Variants in NIPSNAP3B observed in about 807,000 individuals in gnomAD.
NIPSNAP3B encodes nipsnap homolog 3B.
Under a neutral mutation model 31.5 loss-of-function variants are expected in NIPSNAP3B, and 30 were observed. That is an observed-to-expected ratio of 0.95 (90% confidence interval 0.71 to 1.29). The LOEUF (loss-of-function observed/expected upper bound fraction) is 1.29. NIPSNAP3B is among the 50% of genes most tolerant of loss of function. NIPSNAP3B has a pLI of 0.00. For synonymous variants in NIPSNAP3B, 106 were observed against 107.9 expected, an observed-to-expected ratio of 0.98 and a Z score of 0.11; for missense variants, 269 against 300.7, an observed-to-expected ratio of 0.89 and a Z score of 0.78.
rs755384274 is a variant in NIPSNAP3B at position 104,771,030 on chromosome 9, C to A, written c.580+32C>A. 14 of 1,606,076 alleles carry A rather than the reference C, an allele frequency of 8.7e-6. No individual in the cohort carries two copies. The Admixed American group carries it at 2.2e-4, about 25-fold the overall frequency. On this transcript the variant is annotated intron_variant, in intron 4 of 5. Coordinates refer to ENST00000374762, the MANE Select transcript of NIPSNAP3B (RefSeq NM_018376.4). Reference sequence around the variant, plus strand: ...TTGTCCATTTGTTCTATGAAGTTGCCATGTGTATTAGATCAGTTCGTCTCT... The same window carrying A: ...TTGTCCATTTGTTCTATGAAGTTGCAATGTGTATTAGATCAGTTCGTCTCT...
Position 104,776,963 on chromosome 9 carries a change from G to A in NIPSNAP3B, c.*3890G>A, listed in dbSNP as rs1828350476. ...ACAGATTACATAACTGTTATTGGAAGTGCCTCACTACTCCATTTGGAAAGT... is the reference window on the plus strand; with the variant it reads ...ACAGATTACATAACTGTTATTGGAAATGCCTCACTACTCCATTTGGAAAGT... On this transcript the variant is annotated 3_prime_UTR_variant, in exon 6 of 6. Transcript: ENST00000374762. Among the ~76,000 whole-genome samples, 1 of 152,204 alleles carries A rather than the reference G, an allele frequency of 6.6e-6. No homozygotes were observed. Among genetic ancestry groups the A allele is most frequent in the Admixed American group, 6.5e-5 (1 of 15,282 alleles).
rs577391715 is a variant in NIPSNAP3B at position 104,776,509 on chromosome 9, G to A, written c.*3436G>A. 6.6e-5 allele frequency among the ~76,000 whole-genome samples: 10 copies of A among 152,220 alleles called. No individual in the cohort carries two copies. The highest frequency in any genetic ancestry group is 2.1e-4 in the South Asian group (1 of 4,826). ...ATAGAATTAGTGCATTTATAAGGGC[G>A]TGAAGAGCCCTCACTGTGAGGAAAC... On this transcript the variant is annotated 3_prime_UTR_variant, in exon 6 of 6. Transcript: ENST00000374762.
At chr9:104,767,681 T>C (rs1304276016) in intron 2 of NIPSNAP3B, among the ~76,000 whole-genome samples, 2 of 152,170 alleles carry the variant, frequency 1.3e-5, no homozygotes, top group Non-Finnish European at 1.5e-5. Context: ...TTCATTTATA[T>C]GCTTTAGATA....
downstream of NIPSNAP3B, among the ~76,000 whole-genome samples, chr9:104,777,781 C>CTGTT (rs1170228502): frequency 6.6e-6 from 1 of 151,512 alleles, no homozygotes; most frequent in Non-Finnish European, 1.5e-5. Flanking sequence ...GTCCTGTTTT[C>CTGTT]TGTTTCCCTT....
chr9:104,784,231 C>A, the NIPSNAP3B span: 1 of 1,568,318 alleles, frequency 6.4e-7, no homozygotes. Context: ...CAACTTCTGG[C>A]TCTTTTCTCC....
chr9:104,769,808 C>T (rs893563248), intron 3 of NIPSNAP3B, among the ~76,000 whole-genome samples: 1 of 152,302 alleles, frequency 6.6e-6, no homozygotes, highest in East Asian at 1.9e-4. Flanking sequence ...AATGAATTAA[C>T]TTACACTGCT....
At chr9:104,785,877 G>T in the NIPSNAP3B span, among the ~76,000 whole-genome samples, 822 of 152,312 alleles carry the variant, frequency 5.4e-3, 10 homozygotes, top group African/African-American at 0.018. Flanking sequence ...CATGAAGTCT[G>T]ACAGATGTTA....
Position 104,773,927 on chromosome 9 carries a change from T to C in NIPSNAP3B, c.*854T>C, listed in dbSNP as rs1427220932. 1 of 152,202 alleles carries C rather than the reference T, an allele frequency of 6.6e-6. No individual in the cohort carries two copies. The highest frequency in any genetic ancestry group is 2.4e-5 in the African/African-American group (1 of 41,444). 9.4% of individuals were successfully genotyped at this position (152,202 alleles called of 1,614,324 possible). ...CTATAAGACAGTAATATAGTGATAA[T>C]TTACCAACTTTATTGAAAATGTTGT... On this transcript the variant is annotated 3_prime_UTR_variant, in exon 6 of 6. Transcript: ENST00000374762.
chr9:104,779,682 T>G (rs1386298152), downstream of NIPSNAP3B, among the ~76,000 whole-genome samples: 1 of 151,500 alleles, frequency 6.6e-6, no homozygotes, highest in East Asian at 1.9e-4. Context: ...GTTTTTTGAA[T>G]CTGGAAAAGT....
In NIPSNAP3B at chr9:104,772,842, G is replaced by A. The variant is rs142696352; in HGVS notation, c.601G>A (p.Glu201Lys). Residue 201 changes from glutamate (E) to lysine (K), a missense_variant, in exon 5 of 6, where the codon GAG (glutamate) becomes AAG (lysine). Coordinates refer to ENST00000374762, the MANE Select transcript of NIPSNAP3B (RefSeq NM_018376.4). ...LNRVHVLWWNESADSRAAGRH... is the reference protein window; with the variant it reads ...LNRVHVLWWNKSADSRAAGRH... ...TGCAGTTCATGTTCTTTGGTGGAAT[G>A]AGAGTGCAGATAGTCGTGCAGCTGG... The A allele has an allele frequency of 1.9e-6, 3 of 1,613,200 alleles. No homozygotes were observed. The highest frequency in any genetic ancestry group is 2.5e-6 in the Non-Finnish European group (3 of 1,179,656).
intron 5 of NIPSNAP3B, 35 bp from the exon 6 acceptor site, chr9:104,772,962 A>G (rs377506623): frequency 3.1e-6 from 5 of 1,613,896 alleles, no homozygotes; most frequent in Non-Finnish European, 4.2e-6. Context: ...GATTCAACCA[A>G]TAACTGTATG....
chr9:104,776,748 A>G lies in NIPSNAP3B; in HGVS notation c.*3675A>G, dbSNP rs777075331. ...ATGTTTTACTTATATATGATTTGTT[A>G]ATGTATGTCTCTTCCCACTAGAAAC... On this transcript the variant is annotated 3_prime_UTR_variant, in exon 6 of 6. Transcript: ENST00000374762. Among the ~76,000 whole-genome samples, 1 of 152,170 alleles carries G rather than the reference A, an allele frequency of 6.6e-6. No homozygotes were observed. The highest frequency in any genetic ancestry group is 1.9e-4 in the East Asian group (1 of 5,190).
chr9:104,789,571 T>C, the NIPSNAP3B span, among the ~76,000 whole-genome samples: 9 of 152,216 alleles, frequency 5.9e-5, no homozygotes, highest in Non-Finnish European at 1.2e-4. Context: ...GAAATAAATT[T>C]AGTGGGTCAT....
rs993523158 is a variant in NIPSNAP3B at position 104,774,250 on chromosome 9, A to G, written c.*1177A>G. On this transcript the variant is annotated 3_prime_UTR_variant, in exon 6 of 6. Transcript: ENST00000374762. ...GCTGTCCAAGGGCAATTTGGAAAACAAACTGTACAGTTTCCTCTCATTTAT... is the reference window on the plus strand; with the variant it reads ...GCTGTCCAAGGGCAATTTGGAAAACGAACTGTACAGTTTCCTCTCATTTAT... 6.6e-6 allele frequency among the ~76,000 whole-genome samples: 1 copy of G among 152,228 alleles called. No individual in the cohort carries two copies. Among genetic ancestry groups the G allele is most frequent in the Non-Finnish European group, 1.5e-5 (1 of 68,048 alleles).
chr9:104,769,377 C>T (rs2472477), intron 3 of NIPSNAP3B, among the ~76,000 whole-genome samples: 97,348 of 149,972 alleles, frequency 0.65, 32,036 homozygotes, highest in Admixed American at 0.74. Flanking sequence ...TGGCGTGAAC[C>T]CAGAAGGCGG....
the NIPSNAP3B span, chr9:104,784,376 A>G: frequency 6.2e-7 from 1 of 1,614,122 alleles, no homozygotes; most frequent in African/African-American, 1.3e-5. Context: ...TGCAACGTCC[A>G]CTACTGTCTG....
At chr9:104,768,528 A>T (rs1828136323) in intron 2 of NIPSNAP3B, among the ~76,000 whole-genome samples, 1 of 152,224 alleles carries the variant, frequency 6.6e-6, no homozygotes, top group African/African-American at 2.4e-5. Flanking sequence ...ACAACACTGG[A>T]GGTAGATGTT....
In NIPSNAP3B at chr9:104,773,132, G is replaced by A. The variant is rs1039201052; in HGVS notation, c.*59G>A. On this transcript the variant is annotated 3_prime_UTR_variant, in exon 6 of 6. Coordinates refer to ENST00000374762, the MANE Select transcript of NIPSNAP3B (RefSeq NM_018376.4). ...GCTCTAAGATGTGTCTGCTAATGGT[G>A]CTTAAATTCTCCCAAGAGGTTCTCG... 2.6e-6 allele frequency: 4 copies of A among 1,520,426 alleles called. No individual in the cohort carries two copies. In the African/African-American group the frequency reaches 4.1e-5, roughly 16 times the overall value. 94.2% of individuals were successfully genotyped at this position (1,520,426 alleles called of 1,614,324 possible). A position where few individuals can be genotyped will look rare whatever the true frequency, so the allele number is the denominator to read the frequency against.
chr9:104,765,955 T>C (rs1436375281), intron 1 of NIPSNAP3B, among the ~76,000 whole-genome samples: 1 of 152,218 alleles, frequency 6.6e-6, no homozygotes, highest in Non-Finnish European at 1.5e-5. Context: ...ACATATGGTA[T>C]TGAGTAAGAT....
Sources: gnomAD v4.1 joint callset for allele counts (sites outside exome capture counted in the v4.1 genomes callset) on GRCh38, gnomAD v4.1.1 for gene constraint, MANE v1.5 for transcripts, NCBI Gene and HGNC (gene_info 2026-07-23, HGNC 2026-07-21) for gene names.